The following STK11 variants were observed in gnomAD, a reference collection of about 807,000 sequenced individuals.
The protein encoded by STK11 is serine/threonine-protein kinase STK11.
A neutral mutation model predicts 47.3 loss-of-function variants in STK11; 8 were observed. That is an observed-to-expected ratio of 0.17 (90% CI 0.10 to 0.31). The LOEUF (loss-of-function observed/expected upper bound fraction) is 0.31. STK11 is among the 10% of genes least tolerant of loss of function. The probability of loss-of-function intolerance (pLI) is 1.00; values close to 1 mark genes in which losing one functional copy is unlikely to be tolerated. For missense variants in STK11, 475 were observed against 605.0 expected (o/e 0.79, Z 2.25); for synonymous variants, 330 against 255.8 (o/e 1.29, Z -2.77).
intron 8 of STK11, chr19:1,225,471 A>G (rs754059990): frequency 3.8e-5 from 33 of 871,370 alleles, no homozygotes; most frequent in Non-Finnish European, 4.4e-5. Context: ...GGGTTTCACC[A>G]TGTTGGTCAG....
At chr19:1,218,989 G>T (rs2080762580) in intron 2 of STK11, among the ~76,000 whole-genome samples, 1 of 152,186 alleles carries the variant, frequency 6.6e-6, no homozygotes, top group African/African-American at 2.4e-5. Context: ...CGCGGTCAGG[G>T]GCCCTGGGAC....
chr19:1,226,002 T>A (rs1286366803), intron 8 of STK11: 1 of 1,007,152 alleles, frequency 9.9e-7, no homozygotes, highest in Admixed American at 5.9e-5. Context: ...TGCTGGCATT[T>A]CGCGTGCCTG....
chr19:1,221,146 G>A (rs2145426436), intron 5 of STK11, 67 bp from the exon 6 acceptor site: 20 of 1,595,712 alleles, frequency 1.3e-5, no homozygotes, highest in South Asian at 2.2e-5. Context: ...CTGGGGTAGA[G>A]CTGGGGCTCC....
At position 1,206,287 on chromosome 19, in the gene STK11, C is replaced by G. The variant is rs2080664165; in HGVS notation, c.-627C>G. ...GGCCTCCCGGACGCCCCCAGCCCCCCGAACGCTCGCCCGGGCCGGCGGGAG... is the reference window on the plus strand; with the variant it reads ...GGCCTCCCGGACGCCCCCAGCCCCCGGAACGCTCGCCCGGGCCGGCGGGAG... On this transcript the variant is annotated 5_prime_UTR_variant, in exon 1 of 10. Coordinates refer to ENST00000326873, the MANE Select transcript of STK11 (RefSeq NM_000455.5). 1 of 220,806 alleles carries G rather than the reference C, an allele frequency of 4.5e-6. No individual in the cohort carries two copies. The highest frequency in any genetic ancestry group is 2.2e-5 in the African/African-American group (1 of 44,448). 13.7% of individuals were successfully genotyped at this position (220,806 alleles called of 1,614,324 possible). A position where few individuals can be genotyped will look rare whatever the true frequency, so the allele number is the denominator to read the frequency against.
chr19:1,213,879 C>A (rs79422367), intron 1 of STK11, among the ~76,000 whole-genome samples: 1 of 152,184 alleles, frequency 6.6e-6, no homozygotes, highest in Non-Finnish European at 1.5e-5. Flanking sequence ...CCGTGGGAGG[C>A]CGGGGCGAGG....
Position 1,226,540 on chromosome 19 carries a change from C to A in STK11, c.1195C>A (p.Gln399Lys), listed in dbSNP as rs1060499968. 40 of 1,605,180 alleles carry A rather than the reference C, an allele frequency of 2.5e-5. No homozygotes were observed. The highest frequency in any genetic ancestry group is 3.2e-5 in the Non-Finnish European group (38 of 1,176,926). The change falls in exon 9 of 10, where the codon CAG becomes AAG. Residue 399 changes from glutamine (Q) to lysine (K), a missense_variant. Physicochemically the swap from Gln to Lys is moderately conservative, Grantham distance 53. Around this residue, in one of 5 missense-constraint regions of STK11, gnomAD observed 219 missense variants for 189.2 expected, o/e 1.16. Transcript: ENST00000326873. ...GTGTATGAACGGCACAGAGGCGGCG[C>A]AGCTGAGCACCAAATCCAGGGCGGA... Reference protein sequence around the residue: ...AVCMNGTEAAQLSTKSRAEGR... With the variant: ...AVCMNGTEAAKLSTKSRAEGR...
At chr19:1,218,251 G>A (rs2080757168) in intron 1 of STK11, among the ~76,000 whole-genome samples, 166 bp from the exon 2 acceptor site, 1 of 152,210 alleles carries the variant, frequency 6.6e-6, no homozygotes, top group Admixed American at 6.5e-5. Context: ...CTGGACGCGT[G>A]GCCCCTGCAG....
chr19:1,226,589 G>T lies in STK11; in HGVS notation c.1244G>T (p.Arg415Leu), dbSNP rs775978755. ...GAGGGCCGGGCCCCCAACCCTGCCCGCAAGGCCTGCTCCGCCAGCAGCAAG... is the reference window on the plus strand; with the variant it reads ...GAGGGCCGGGCCCCCAACCCTGCCCTCAAGGCCTGCTCCGCCAGCAGCAAG... ...RAEGRAPNPARKACSASSKIR... is the reference protein window; with the variant it reads ...RAEGRAPNPALKACSASSKIR... The change falls in exon 9 of 10, where the codon CGC becomes CTC. Residue 415 changes from arginine to leucine, a missense_variant. Arg to Leu is a moderately radical substitution (Grantham distance 102). This residue lies in a region of STK11 where 219 missense variants were observed against 189.2 expected (regional missense o/e 1.16). Transcript: ENST00000326873. 1.9e-6 allele frequency: 3 copies of T among 1,571,260 alleles called. No homozygotes were observed. Among genetic ancestry groups the T allele is most frequent in the Non-Finnish European group, 2.6e-6 (3 of 1,160,110 alleles).
At chr19:1,215,425 G>C (rs1335736434) in intron 1 of STK11, among the ~76,000 whole-genome samples, 2 of 152,232 alleles carry the variant, frequency 1.3e-5, no homozygotes, top group African/African-American at 4.8e-5. Context: ...CCAGGGGCCG[G>C]AACCAGTTGC....
At chr19:1,210,901 G>A (rs1393796094) in intron 1 of STK11, among the ~76,000 whole-genome samples, 4 of 152,192 alleles carry the variant, frequency 2.6e-5, no homozygotes, top group East Asian at 1.9e-4. Flanking sequence ...GGTGGCTCAC[G>A]CCTGTAATCC....
intron 7 of STK11, 102 bp downstream of exon 7, chr19:1,222,108 G>C (rs1012432082): frequency 1.2e-5 from 17 of 1,382,160 alleles, no homozygotes; most frequent in Non-Finnish European, 1.7e-5. Context: ...GGGGGTGCCA[G>C]GCTGGGCTGG....
In STK11 at chr19:1,226,499, G is replaced by A. The variant is rs2080822137; in HGVS notation, c.1154G>A (p.Gly385Asp). Residue 385 changes from glycine to aspartate, a missense_variant, in exon 9 of 10, where the codon GGC (glycine) becomes GAC (aspartate). By Grantham distance (94) the Gly-to-Asp change is moderately conservative. Transcript: ENST00000326873. ...EEASHNGQRR[G>D]LPKAVCMNGT... ...GCCAGTCACAATGGACAGCGCCGGG[G>A]CCTCCCCAAGGCCGTGTGTATGAAC... The A allele has an allele frequency of 6.2e-7, 1 of 1,610,924 alleles. No homozygotes were observed. The highest frequency in any genetic ancestry group is 8.5e-7 in the Non-Finnish European group (1 of 1,179,262).
chr19:1,211,323 G>C (rs7257851), intron 1 of STK11, among the ~76,000 whole-genome samples: 15,754 of 152,200 alleles, frequency 0.1, 997 homozygotes, highest in East Asian at 0.15. Context: ...AGTGCCATAG[G>C]CTGTTTCTGG....
At chr19:1,210,388 C>A (rs2080701473) in intron 1 of STK11, among the ~76,000 whole-genome samples, 2 of 152,194 alleles carry the variant, frequency 1.3e-5, no homozygotes, top group Admixed American at 1.3e-4. Context: ...GGCGTCCGGT[C>A]CTCCAGTTGG....
intron 1 of STK11, 110 bp from the exon 2 acceptor site, chr19:1,218,307 A>G (rs1283478026): frequency 2.3e-6 from 2 of 859,888 alleles, no homozygotes; most frequent in South Asian, 2.9e-5. Context: ...TCTCTAGGGA[A>G]GGGAGGAGGT....
chr19:1,226,011 T>C, intron 8 of STK11: 1 of 1,010,090 alleles, frequency 9.9e-7, no homozygotes, highest in Non-Finnish European at 1.2e-6. Flanking sequence ...TTCGCGTGCC[T>C]GGCCTGAGCC....
At chr19:1,221,030 C>T (rs975762180) in intron 5 of STK11, among the ~76,000 whole-genome samples, 183 bp from the exon 6 acceptor site, 3 of 152,154 alleles carry the variant, frequency 2.0e-5, no homozygotes, top group Admixed American at 6.5e-5. Flanking sequence ...GTCCAGAGGA[C>T]ACTCCCCTCC....
At chr19:1,208,636 A>G (rs1378630158) in intron 1 of STK11, among the ~76,000 whole-genome samples, 3 of 16,132 alleles carry the variant, frequency 1.9e-4, no homozygotes, top group East Asian at 1.7e-3. Context: ...TTTTTTTTTG[A>G]GACGGAGTTT....
intron 9 of STK11, chr19:1,227,112 C>G (rs1002909668): frequency 1.7e-5 from 3 of 176,800 alleles, no homozygotes; most frequent in African/African-American, 7.2e-5. Flanking sequence ...TCTGAGCCAG[C>G]TGCCAAGTAT....
Sources: allele counts gnomAD v4.1 joint callset (sites outside exome capture counted in the v4.1 genomes callset), GRCh38; gene constraint gnomAD v4.1.1; regional missense constraint gnomAD v4.1.1; transcripts MANE v1.5; gene names NCBI Gene and HGNC (gene_info 2026-07-23, HGNC 2026-07-21).